Variants in VIT observed in about 807,000 individuals in gnomAD.
VIT encodes vitrin.
VIT carries 99 observed loss-of-function variants against 78.0 expected under a neutral mutation model. The ratio of observed to expected loss-of-function variants is 1.27; its 90% CI spans 1.08 to 1.50. VIT has a LOEUF of 1.50. Ranked by LOEUF, VIT falls within the 40% of genes most tolerant of loss-of-function variation. The pLI is 0.00. For synonymous variants in VIT, 374 were observed against 334.3 expected, an observed-to-expected ratio of 1.12 and a Z score of -1.29; for missense variants, 1,126 against 875.3, an observed-to-expected ratio of 1.29 and a Z score of -3.61.
At chr2:36,798,713 C>T (rs975301527) in intron 12 of VIT, among the ~76,000 whole-genome samples, 6 of 152,078 alleles carry the variant, frequency 3.9e-5, no homozygotes, top group Non-Finnish European at 8.8e-5. Context: ...GAACCAAAAT[C>T]GAGCCACTGC....
chr2:36,793,289 A>G (rs2148648055), intron 12 of VIT, among the ~76,000 whole-genome samples: 1 of 150,838 alleles, frequency 6.6e-6, no homozygotes, highest in East Asian at 1.9e-4. Context: ...GAATTCTCAT[A>G]GTTATTGCAG....
chr2:36,717,712 A>T (rs1236482336), intron 2 of VIT, among the ~76,000 whole-genome samples: 1 of 152,174 alleles, frequency 6.6e-6, no homozygotes, highest in African/African-American at 2.4e-5. Context: ...CAGGTAGAGT[A>T]ACCCTGTGGA....
chr2:36,746,134 C>A (rs1668119225), intron 4 of VIT, among the ~76,000 whole-genome samples: 1 of 152,090 alleles, frequency 6.6e-6, no homozygotes, highest in Non-Finnish European at 1.5e-5. Context: ...GTTGAACCAA[C>A]CTTGCATCCC....
At chr2:36,773,719 G>A (rs902438467) in intron 7 of VIT, 72 bp from the exon 8 acceptor site, 35 of 1,337,002 alleles carry the variant, frequency 2.6e-5, no homozygotes, top group Middle Eastern at 2.6e-4. Flanking sequence ...GTGAGACTCC[G>A]ACTCAAAAAT....
chr2:36,711,150 T>C (rs1429426397), intron 1 of VIT, among the ~76,000 whole-genome samples: 1 of 152,222 alleles, frequency 6.6e-6, no homozygotes, highest in Non-Finnish European at 1.5e-5. Flanking sequence ...CCCAATGGAC[T>C]TGCTCTAATT....
intron 9 of VIT, among the ~76,000 whole-genome samples, chr2:36,779,801 C>T (rs1664616469): frequency 6.6e-6 from 1 of 152,160 alleles, no homozygotes; most frequent in Admixed American, 6.5e-5. Context: ...AAATAATTCC[C>T]TGGTTTTCTA....
chr2:36,778,351 C>T (rs1312293148), intron 9 of VIT, among the ~76,000 whole-genome samples: 1 of 152,138 alleles, frequency 6.6e-6, no homozygotes, highest in Non-Finnish European at 1.5e-5. Flanking sequence ...TTGGGGCAGG[C>T]TACTCCTGCT....
At chr2:36,781,613 T>C (rs1664757484) in intron 9 of VIT, 114 bp from the exon 10 acceptor site, 2 of 1,202,110 alleles carry the variant, frequency 1.7e-6, no homozygotes, top group Non-Finnish European at 2.4e-6. Context: ...CTCTGTTCCT[T>C]TATTGAACTT....
chr2:36,723,222 G>A (rs1214665912), intron 2 of VIT, among the ~76,000 whole-genome samples: 2 of 151,946 alleles, frequency 1.3e-5, no homozygotes, highest in African/African-American at 4.8e-5. Flanking sequence ...CCTATTGTTG[G>A]CGTGTTTTCA....
chr2:36,813,087 A>G (rs1306676352), intron 15 of VIT, among the ~76,000 whole-genome samples: 1 of 146,890 alleles, frequency 6.8e-6, no homozygotes, highest in Non-Finnish European at 1.5e-5. Context: ...TGATCCACCC[A>G]CCTCAGCCTC....
chr2:36,788,690 T>A (rs925590082), intron 12 of VIT, among the ~76,000 whole-genome samples: 3 of 152,268 alleles, frequency 2.0e-5, no homozygotes, highest in Admixed American at 6.5e-5. Context: ...TGACAGGTTT[T>A]ACTAGAGAGG....
At chr2:36,751,330 A>T (rs973219552) in intron 4 of VIT, among the ~76,000 whole-genome samples, 2 of 152,218 alleles carry the variant, frequency 1.3e-5, no homozygotes, top group Non-Finnish European at 2.9e-5. Flanking sequence ...TGGAAGGCGG[A>T]GGTTGCAGTG....
At chr2:36,807,406 C>T (rs1403028608) in intron 14 of VIT, among the ~76,000 whole-genome samples, 2 of 152,314 alleles carry the variant, frequency 1.3e-5, no homozygotes, top group Admixed American at 6.5e-5. Context: ...GCTGTGACTT[C>T]ACTGCCTGGT....
intron 6 of VIT, among the ~76,000 whole-genome samples, chr2:36,766,240 G>A (rs576262021): frequency 6.6e-5 from 10 of 152,174 alleles, no homozygotes; most frequent in Non-Finnish European, 1.0e-4. Context: ...TTTAGAAGTC[G>A]AATCTAGGCC....
chr2:36,729,316 G>T, intron 2 of VIT, 110 bp from the exon 3 acceptor site: 2 of 900,390 alleles, frequency 2.2e-6, no homozygotes, highest in South Asian at 2.0e-5. Flanking sequence ...GGGAAAATTA[G>T]TTCTGCCATG....
At chr2:36,812,270 C>T (rs1667227518) in intron 15 of VIT, among the ~76,000 whole-genome samples, 1 of 152,150 alleles carries the variant, frequency 6.6e-6, no homozygotes, top group Admixed American at 6.5e-5. Context: ...CTCTCCCAGG[C>T]ACCCAGAAGA....
intron 3 of VIT, among the ~76,000 whole-genome samples, chr2:36,739,208 A>C (rs1667686313): frequency 6.6e-6 from 1 of 152,202 alleles, no homozygotes; most frequent in Non-Finnish European, 1.5e-5. Flanking sequence ...CTTCCTTATT[A>C]ACAGGCATGA....
At chr2:36,780,702 C>CT (rs1255652404) in intron 9 of VIT, among the ~76,000 whole-genome samples, 1 of 152,014 alleles carries the variant, frequency 6.6e-6, no homozygotes, top group Non-Finnish European at 1.5e-5. Context: ...AAATATCACC[C>CT]TTTTTTCAGT....
At chr2:36,734,639 G>A (rs1430732239) in intron 3 of VIT, among the ~76,000 whole-genome samples, 8 of 152,284 alleles carry the variant, frequency 5.3e-5, no homozygotes, top group South Asian at 4.1e-4. Flanking sequence ...GCTTGAAAAC[G>A]CCTGCCATTC....
Sources: gnomAD v4.1 joint callset for allele counts (sites outside exome capture counted in the v4.1 genomes callset) on GRCh38, gnomAD v4.1.1 for gene constraint, MANE v1.5 for transcripts, NCBI Gene and HGNC (gene_info 2026-07-23, HGNC 2026-07-21) for gene names.